Variants in KCNT2 observed in about 807,000 individuals in gnomAD.
KCNT2 encodes potassium channel subfamily T member 2.
A neutral mutation model predicts 153.8 loss-of-function variants in KCNT2; 67 were observed. The ratio of observed to expected loss-of-function variants is 0.44; its 90% CI spans 0.36 to 0.53. The LOEUF (loss-of-function observed/expected upper bound fraction) is 0.53. Ranked by LOEUF, KCNT2 falls within the 20% of genes least tolerant of loss-of-function variation. The pLI, the probability that KCNT2 is intolerant of heterozygous loss-of-function variation, is 0.00. For synonymous variants in KCNT2, 500 were observed against 458.8 expected (o/e 1.09, Z -1.15); for missense variants, 975 against 1,354.8 (o/e 0.72, Z 4.40).
At chr1:196,334,083 T>C (rs764219229) in intron 16 of KCNT2, 23 bp from the exon 17 acceptor site, 14 of 1,546,528 alleles carry the variant, frequency 9.1e-6, no homozygotes, top group Non-Finnish European at 1.2e-5. Context: ...AACATGAAAA[T>C]TTATCAAGGC....
chr1:196,357,374 C>A (rs1572156563), intron 14 of KCNT2, among the ~76,000 whole-genome samples: 1 of 152,000 alleles, frequency 6.6e-6, no homozygotes, highest in Non-Finnish European at 1.5e-5. Context: ...TTTTAATTTG[C>A]TTTATCATAA....
chr1:196,372,196 GAAGT>G (rs1283580419), intron 14 of KCNT2, among the ~76,000 whole-genome samples: 4 of 151,914 alleles, frequency 2.6e-5, no homozygotes, highest in Non-Finnish European at 4.4e-5. Flanking sequence ...TAGGCAGTCA[GAAGT>G]AAGACAGTAA....
intron 8 of KCNT2, among the ~76,000 whole-genome samples, chr1:196,453,326 G>A (rs1676383211): frequency 6.6e-6 from 1 of 151,778 alleles, no homozygotes; most frequent in African/African-American, 2.4e-5. Context: ...GCAACATTGA[G>A]GGATGCTTTT....
chr1:196,598,598 A>G (rs888740417), intron 1 of KCNT2, among the ~76,000 whole-genome samples: 2 of 152,162 alleles, frequency 1.3e-5, no homozygotes, highest in African/African-American at 2.4e-5. Flanking sequence ...AAGCCTTTAA[A>G]TTTGTTTGAA....
At chr1:196,297,389 G>T (rs1660772523) in intron 22 of KCNT2, among the ~76,000 whole-genome samples, 1 of 152,074 alleles carries the variant, frequency 6.6e-6, no homozygotes, top group Admixed American at 6.6e-5. Flanking sequence ...AGACACATAT[G>T]CAGCAGCTGT....
chr1:196,280,809 T>C (rs763942934), intron 25 of KCNT2, 51 bp downstream of exon 25: 70 of 1,492,930 alleles, frequency 4.7e-5, no homozygotes, highest in Non-Finnish European at 6.3e-5. Flanking sequence ...TATGAATGAT[T>C]GCACTCATCA....
chr1:196,377,499 T>C (rs544887286), intron 13 of KCNT2, among the ~76,000 whole-genome samples: 1 of 152,114 alleles, frequency 6.6e-6, no homozygotes, highest in East Asian at 1.9e-4. Flanking sequence ...CTACCCATTT[T>C]CCTCTTTGTA....
chr1:196,300,263 A>G (rs1395849838), intron 22 of KCNT2, among the ~76,000 whole-genome samples: 4 of 152,188 alleles, frequency 2.6e-5, no homozygotes, highest in African/African-American at 9.7e-5. Flanking sequence ...TGAACTTCAC[A>G]ATATTTTTCA....
intron 1 of KCNT2, among the ~76,000 whole-genome samples, chr1:196,580,533 A>G (rs1661910339): frequency 6.6e-6 from 1 of 152,192 alleles, no homozygotes; most frequent in Non-Finnish European, 1.5e-5. Context: ...TTAGCAGACA[A>G]CAAAATGAAA....
In KCNT2 at chr1:196,326,647, T is replaced by C. The variant is rs1663889260; in HGVS notation, c.2276+70A>G. 2 of 838,776 alleles carry C rather than the reference T, an allele frequency of 2.4e-6. 1 individual carries two copies. The highest frequency in any genetic ancestry group is 5.9e-5 in the East Asian group (2 of 33,668). The allele number at this position is 838,776 out of a possible 1,614,324, so 52.0% of individuals were successfully genotyped here. A position where few individuals can be genotyped will look rare whatever the true frequency, so the allele number is the denominator to read the frequency against. On this transcript the variant is annotated intron_variant, in intron 19 of 27. Coordinates refer to ENST00000294725, the MANE Select transcript of KCNT2 (RefSeq NM_198503.5). ...ATACTACCAGAATATTACAGGCAAT[T>C]ATTTTTGATATACATTAACATACTA...
At chr1:196,437,291 AAT>A (rs1352219292) in intron 8 of KCNT2, among the ~76,000 whole-genome samples, 525 of 34,400 alleles carry the variant, frequency 0.015, 5 homozygotes, top group Middle Eastern at 0.062. Context: ...AAATATATAT[AAT>A]ATATATAAAT....
intron 13 of KCNT2, among the ~76,000 whole-genome samples, chr1:196,380,197 C>A (rs949808316): frequency 1.3e-5 from 2 of 152,064 alleles, no homozygotes; most frequent in Non-Finnish European, 2.9e-5. Context: ...ATAGAAACTG[C>A]CTCAACAGGT....
Position 196,608,324 on chromosome 1 carries a change from T to C in KCNT2, c.-15A>G, listed in dbSNP as rs916818710. 1.9e-6 allele frequency: 3 copies of C among 1,596,750 alleles called. No homozygotes were observed. The highest frequency in any genetic ancestry group is 2.2e-5 in the South Asian group (2 of 90,694). The stretch of plus-strand genomic sequence containing the variant: ...AAATCAACCATCCTTCCTCAAAGAG[T>C]GGGAAACATCAAACAACAAATGGAG... On this transcript the variant is annotated 5_prime_UTR_variant, in exon 1 of 28. Coordinates refer to ENST00000294725, the MANE Select transcript of KCNT2 (RefSeq NM_198503.5).
chr1:196,375,518 C>A (rs1428879383), intron 13 of KCNT2, among the ~76,000 whole-genome samples: 2 of 151,626 alleles, frequency 1.3e-5, no homozygotes, highest in Non-Finnish European at 3.0e-5. Context: ...CAGTCAAAAC[C>A]TAGCACCTTG....
At chr1:196,589,170 T>A (rs1663039457) in intron 1 of KCNT2, among the ~76,000 whole-genome samples, 1 of 151,978 alleles carries the variant, frequency 6.6e-6, no homozygotes, top group African/African-American at 2.4e-5. Flanking sequence ...AACAATATGT[T>A]AAGTGAAAAC....
At chr1:196,513,736 AC>A (rs1681826883) in intron 1 of KCNT2, among the ~76,000 whole-genome samples, 1 of 152,076 alleles carries the variant, frequency 6.6e-6, no homozygotes, top group Non-Finnish European at 1.5e-5. Context: ...TACTCCTTTC[AC>A]AATAGTACTT....
chr1:196,480,752 A>G (rs1034207821), intron 4 of KCNT2, among the ~76,000 whole-genome samples: 20 of 145,532 alleles, frequency 1.4e-4, no homozygotes, highest in Admixed American at 7.1e-5. Context: ...GCTACTCCGG[A>G]GGCTGAGGCA....
chr1:196,260,406 C>T (rs1466718831), intron 25 of KCNT2, among the ~76,000 whole-genome samples: 3 of 151,770 alleles, frequency 2.0e-5, no homozygotes, highest in Non-Finnish European at 1.5e-5. Context: ...GTAAAGTATA[C>T]ATCTACAAGA....
At chr1:196,259,251 A>C (rs948872842) in intron 25 of KCNT2, among the ~76,000 whole-genome samples, 2 of 152,138 alleles carry the variant, frequency 1.3e-5, no homozygotes, top group Non-Finnish European at 2.9e-5. Flanking sequence ...GAACAAACTC[A>C]CAAAGTCTAT....
Sources: gnomAD v4.1 joint callset for allele counts (sites outside exome capture counted in the v4.1 genomes callset) on GRCh38, gnomAD v4.1.1 for gene constraint, MANE v1.5 for transcripts, NCBI Gene and HGNC (gene_info 2026-07-23, HGNC 2026-07-21) for gene names.